The following ITFG1 variants were observed in gnomAD, a reference collection of about 807,000 sequenced individuals.
ITFG1 encodes T-cell immunomodulatory protein.
ITFG1 carries 34 observed loss-of-function variants against 81.8 expected under a neutral mutation model. The ratio of observed to expected loss-of-function variants is 0.42; its 90% CI spans 0.32 to 0.55. The LOEUF is 0.55. ITFG1 is among the 20% of genes least tolerant of loss of function. The pLI is 0.17. For synonymous variants in ITFG1, 285 were observed against 270.6 expected, an observed-to-expected ratio of 1.05 and a Z score of -0.52; for missense variants, 672 against 755.4, an observed-to-expected ratio of 0.89 and a Z score of 1.29.
At chr16:47,324,682 A>G (rs922127751) in intron 8 of ITFG1, among the ~76,000 whole-genome samples, 4 of 152,194 alleles carry the variant, frequency 2.6e-5, no homozygotes, top group Non-Finnish European at 5.9e-5. Flanking sequence ...AGGGGTTGCA[A>G]TCAAGTCTCG....
intron 8 of ITFG1, among the ~76,000 whole-genome samples, chr16:47,339,733 T>C (rs4967849): frequency 0.99 from 150,274 of 152,172 alleles, 74,224 homozygotes; most frequent in East Asian, 1. Context: ...CAAGGGACAC[T>C]ATCAAGTGGA....
chr16:47,301,036 CAGG>C (rs952415130), intron 10 of ITFG1, among the ~76,000 whole-genome samples: 2 of 152,066 alleles, frequency 1.3e-5, no homozygotes, highest in African/African-American at 4.8e-5. Context: ...CCTAAAAGCC[CAGG>C]AGTATAATTT....
At chr16:47,435,871 A>G (rs2151612205) in intron 5 of ITFG1, among the ~76,000 whole-genome samples, 1 of 152,338 alleles carries the variant, frequency 6.6e-6, no homozygotes, top group Non-Finnish European at 1.5e-5. Flanking sequence ...CAGCACAAAT[A>G]GCTGCAAAAT....
chr16:47,400,164 T>G (rs1283171932), intron 6 of ITFG1, among the ~76,000 whole-genome samples: 2 of 152,222 alleles, frequency 1.3e-5, no homozygotes, highest in East Asian at 3.8e-4. Context: ...TTCTTAACCA[T>G]GAGGCTCCAC....
chr16:47,273,051 T>A (rs1966360356), intron 10 of ITFG1, among the ~76,000 whole-genome samples: 1 of 151,618 alleles, frequency 6.6e-6, no homozygotes, highest in African/African-American at 2.4e-5. Flanking sequence ...TACTTCTCAT[T>A]AAGAGAGGTA....
In ITFG1 at chr16:47,306,292, T is replaced by C. The variant is rs549001478; in HGVS notation, c.1070+4948A>G. ...ACTGGAATGATATTTCAGATAACCA[T>C]TGACTGAGCTATTAAACCACCAGAA... On this transcript the variant is annotated intron_variant, in intron 10 of 17. Coordinates refer to ENST00000320640, the MANE Select transcript of ITFG1 (RefSeq NM_030790.5). Among the ~76,000 whole-genome samples the C allele has an allele frequency of 1.2e-4, 18 of 152,234 alleles. No individual in the cohort carries two copies. In the East Asian group the frequency reaches 2.9e-3, roughly 24 times the overall value.
chr16:47,192,496 C>T (rs1042107163), intron 14 of ITFG1, among the ~76,000 whole-genome samples: 12 of 152,250 alleles, frequency 7.9e-5, no homozygotes, highest in African/African-American at 2.9e-4. Context: ...ACTATAATCC[C>T]TATTATTATA....
At chr16:47,320,497 C>T (rs1176630047) in intron 8 of ITFG1, among the ~76,000 whole-genome samples, 1 of 152,190 alleles carries the variant, frequency 6.6e-6, no homozygotes, top group Non-Finnish European at 1.5e-5. Context: ...AGTTGTACTG[C>T]ACTTTTTACA....
intron 14 of ITFG1, among the ~76,000 whole-genome samples, chr16:47,188,493 C>A (rs1352339227): frequency 6.6e-6 from 1 of 150,474 alleles, no homozygotes; most frequent in East Asian, 2.0e-4. Context: ...AATCATCATT[C>A]TCAGTAAACT....
intron 10 of ITFG1, among the ~76,000 whole-genome samples, chr16:47,297,920 AG>A (rs1271278920): frequency 6.6e-6 from 1 of 152,188 alleles, no homozygotes; most frequent in African/African-American, 2.4e-5. Flanking sequence ...TTCCTTAAAT[AG>A]GTTTTCCAGT....
chr16:47,183,907 T>A (rs1289923332), intron 14 of ITFG1, among the ~76,000 whole-genome samples: 5 of 152,110 alleles, frequency 3.3e-5, no homozygotes, highest in Non-Finnish European at 2.9e-5. Context: ...TAGAAGAATG[T>A]ATAACTACAA....
At chr16:47,169,038 T>C (rs1225849390) in intron 14 of ITFG1, among the ~76,000 whole-genome samples, 3 of 152,220 alleles carry the variant, frequency 2.0e-5, no homozygotes, top group African/African-American at 7.2e-5. Flanking sequence ...TTGCCATAGA[T>C]ATTTGGATTT....
intron 14 of ITFG1, among the ~76,000 whole-genome samples, chr16:47,175,355 TTAA>T (rs1965011761): frequency 2.0e-5 from 3 of 150,564 alleles, no homozygotes; most frequent in African/African-American, 7.3e-5. Context: ...CATAAATTAT[TTAA>T]TAATTTAAAT....
chr16:47,374,054 T>C (rs923839241), intron 7 of ITFG1, among the ~76,000 whole-genome samples: 1 of 152,142 alleles, frequency 6.6e-6, no homozygotes, highest in Non-Finnish European at 1.5e-5. Flanking sequence ...GCTTAACTTA[T>C]CCCAACCACT....
intron 7 of ITFG1, among the ~76,000 whole-genome samples, chr16:47,374,739 G>T (rs759819970): frequency 2.4e-4 from 37 of 151,662 alleles, no homozygotes; most frequent in Non-Finnish European, 5.3e-4. Flanking sequence ...TTTTGATTTA[G>T]ATGTCTTACT....
chr16:47,295,178 T>C (rs1966964200), intron 10 of ITFG1, among the ~76,000 whole-genome samples: 1 of 152,206 alleles, frequency 6.6e-6, no homozygotes, highest in Admixed American at 6.5e-5. Context: ...TTGAACCATC[T>C]TTGCATCGCT....
rs1965927292 is a variant in ITFG1 at position 47,241,041 on chromosome 16, C to T, written c.1331-3033G>A. Among the ~76,000 whole-genome samples the T allele has an allele frequency of 4.0e-5, 6 of 150,448 alleles. No homozygotes were observed. The South Asian group carries it at 1.3e-3, about 32-fold the overall frequency. On this transcript the variant is annotated intron_variant, in intron 12 of 17. Transcript: ENST00000320640. Reference sequence around the variant, plus strand: ...GCAAATTTTATGTGACACGTTTTTACCACAATTTAAATCATGGTTAAGATG... The same window carrying T: ...GCAAATTTTATGTGACACGTTTTTATCACAATTTAAATCATGGTTAAGATG...
At chr16:47,213,850 T>C (rs1567425370) in intron 14 of ITFG1, among the ~76,000 whole-genome samples, 1 of 152,186 alleles carries the variant, frequency 6.6e-6, no homozygotes, top group East Asian at 1.9e-4. Context: ...GTATCCTTCA[T>C]AATATCTTTA....
intron 12 of ITFG1, among the ~76,000 whole-genome samples, chr16:47,246,860 T>C (rs940780624): frequency 6.6e-6 from 1 of 152,192 alleles, no homozygotes; most frequent in African/African-American, 2.4e-5. Context: ...TGAAATGCAG[T>C]GGCACCATCT....
Sources: allele counts gnomAD v4.1 joint callset (sites outside exome capture counted in the v4.1 genomes callset), GRCh38; gene constraint gnomAD v4.1.1; transcripts MANE v1.5; gene names NCBI Gene and HGNC (gene_info 2026-07-23, HGNC 2026-07-21).